Variants in GABRG3 observed in about 807,000 individuals in gnomAD.
GABRG3 encodes the protein gamma-aminobutyric acid receptor subunit gamma-3.
A neutral mutation model predicts 48.8 loss-of-function variants in GABRG3; 25 were observed. That is an observed-to-expected ratio of 0.51 (90% confidence interval 0.37 to 0.72). The LOEUF (loss-of-function observed/expected upper bound fraction) is 0.72. GABRG3 is among the 30% of genes least tolerant of loss of function. The pLI is 0.00. For synonymous variants in GABRG3, 227 were observed against 217.6 expected (o/e 1.04, Z -0.38); for missense variants, 394 against 577.9 (o/e 0.68, Z 3.26).
chr15:27,517,520 A>G (rs974755676), intron 6 of GABRG3, among the ~76,000 whole-genome samples: 1 of 152,234 alleles, frequency 6.6e-6, no homozygotes, highest in Non-Finnish European at 1.5e-5. Flanking sequence ...GGGAGAAAGC[A>G]GGTGGATTTG....
intron 3 of GABRG3, among the ~76,000 whole-genome samples, chr15:27,059,892 A>C (rs926328541): frequency 6.6e-6 from 1 of 152,238 alleles, no homozygotes; most frequent in African/African-American, 2.4e-5. Flanking sequence ...TTGTAGCAAA[A>C]GGTGGCCATT....
rs1019368599 is a variant in GABRG3, at chr15:27,308,323, C to T, written c.271-18486C>T. ...CATCATATAAACATATATAAACATA[C>T]GTTTATATATAAACATAATATAAAC... is the stretch of plus-strand genomic sequence containing the variant. On this transcript the variant is annotated intron_variant, in intron 3 of 9. Transcript: ENST00000615808. 1.6e-4 allele frequency among the ~76,000 whole-genome samples: 22 copies of T among 138,406 alleles called. 1 individual carries two copies. The highest frequency in any genetic ancestry group is 9.3e-4 in the South Asian group (4 of 4,290). The allele number at this position is 138,406 out of a possible 152,430, so 90.8% of individuals were successfully genotyped here.
intron 3 of GABRG3, among the ~76,000 whole-genome samples, chr15:27,324,797 C>T (rs1434429436): frequency 1.3e-5 from 2 of 152,232 alleles, no homozygotes; most frequent in Non-Finnish European, 2.9e-5. Flanking sequence ...CAGGCCAGCA[C>T]CTCTCCCTCT....
chr15:27,374,138 C>CTTTTTTTTTTTTTTT (rs201839822), intron 5 of GABRG3, among the ~76,000 whole-genome samples: 46 of 91,656 alleles, frequency 5.0e-4, no homozygotes, highest in African/African-American at 7.2e-4. Flanking sequence ...TTCTTTTCTT[C>CTTTTTTTTTTTTTTT]TTTTTTTTTT....
Position 27,388,356 on chromosome 15 carries a change from GGAAGGAAGGAAGA to G in GABRG3, c.574+59469_574+59481del, listed in dbSNP as rs1229982583. Among the ~76,000 whole-genome samples, 21 of 35,636 alleles carry G rather than the reference GGAAGGAAGGAAGA, an allele frequency of 5.9e-4. 1 individual carries two copies. Among genetic ancestry groups the G allele is most frequent in the Non-Finnish European group, 1.1e-3 (17 of 15,186 alleles). The allele number at this position is 35,636 out of a possible 152,430, so 23.4% of individuals were successfully genotyped here. A position where few individuals can be genotyped will look rare whatever the true frequency, so the allele number is the denominator to read the frequency against. ...GAAGGAAAGGTGGGAGGGAGGGTAA[GGAAGGAAGGAAGA>G]AAGGAAGGAAGGAAGGAAAGGAGGG... On this transcript the variant is annotated intron_variant, in intron 5 of 9. Transcript: ENST00000615808.
intron 3 of GABRG3, among the ~76,000 whole-genome samples, chr15:27,190,792 T>G (rs1409344842): frequency 6.6e-6 from 1 of 152,138 alleles, no homozygotes; most frequent in African/African-American, 2.4e-5. Flanking sequence ...TTGCTCTTGC[T>G]TTTCTAGTTC....
At chr15:27,120,069 C>T (rs1049721339) in intron 3 of GABRG3, among the ~76,000 whole-genome samples, 2 of 152,196 alleles carry the variant, frequency 1.3e-5, no homozygotes, top group African/African-American at 4.8e-5. Flanking sequence ...CCTTTGAGTT[C>T]GTCGGTGACA....
At chr15:27,324,022 C>T (rs887924017) in intron 3 of GABRG3, among the ~76,000 whole-genome samples, 6 of 152,154 alleles carry the variant, frequency 3.9e-5, no homozygotes, top group African/African-American at 1.4e-4. Flanking sequence ...AAACGGGGAA[C>T]AACAGTTCTA....
At chr15:27,365,732 A>G (rs891270917) in intron 5 of GABRG3, 1 of 152,188 alleles carries the variant, frequency 6.6e-6, no homozygotes, top group African/African-American at 2.4e-5. Context: ...TGTGCAAAAC[A>G]TTCCTGTGAG....
rs111538724 is a variant in GABRG3 at position 27,341,023 on chromosome 15, A to G, written c.574+12135A>G. 2,202 of 505,608 alleles carry G rather than the reference A, an allele frequency of 4.4e-3. 48 individuals carry two copies. The highest frequency in any genetic ancestry group is 0.039 in the African/African-American group (1,986 of 51,560). The allele number at this position is 505,608 out of a possible 1,614,324, so 31.3% of individuals were successfully genotyped here. On this transcript the variant is annotated intron_variant, in intron 5 of 9. Coordinates refer to ENST00000615808, the MANE Select transcript of GABRG3 (RefSeq NM_033223.5). ...AAGATGGCTGGAACACTGTGCTGAG[A>G]AATAAACAGACTTCAGAGGCCTGAA...
At chr15:27,262,240 C>CT (rs1890790896) in intron 3 of GABRG3, among the ~76,000 whole-genome samples, 1 of 152,194 alleles carries the variant, frequency 6.6e-6, no homozygotes, top group Non-Finnish European at 1.5e-5. Flanking sequence ...GCATTTGCGT[C>CT]TGTTTGCTGT....
intron 3 of GABRG3, among the ~76,000 whole-genome samples, chr15:27,240,337 T>C (rs768762027): frequency 6.6e-6 from 1 of 152,184 alleles, no homozygotes; most frequent in Non-Finnish European, 1.5e-5. Context: ...TAGTCCACAG[T>C]GCTGGAGGCT....
At chr15:27,266,926 T>C (rs1422220085) in intron 3 of GABRG3, among the ~76,000 whole-genome samples, 1 of 152,120 alleles carries the variant, frequency 6.6e-6, no homozygotes, top group Non-Finnish European at 1.5e-5. Flanking sequence ...AGTAATTATA[T>C]CATCTATGAA....
chr15:27,418,689 C>T (rs915343650), intron 5 of GABRG3: 1 of 152,196 alleles, frequency 6.6e-6, no homozygotes, highest in African/African-American at 2.4e-5. Context: ...AGTTGGTAAA[C>T]ATATGAATAA....
chr15:27,163,615 C>T (rs1314124861), intron 3 of GABRG3, among the ~76,000 whole-genome samples: 4 of 152,300 alleles, frequency 2.6e-5, no homozygotes, highest in Non-Finnish European at 5.9e-5. Context: ...TGTGCCACTG[C>T]ACTCCAGTGA....
At chr15:27,364,355 C>T (rs576531684) in intron 5 of GABRG3, 1 of 152,646 alleles carries the variant, frequency 6.6e-6, no homozygotes, top group South Asian at 2.1e-4. Flanking sequence ...GGCAGATGCG[C>T]CTCTACATGA....
chr15:27,485,326 C>G (rs1890195713), intron 6 of GABRG3, among the ~76,000 whole-genome samples: 1 of 152,140 alleles, frequency 6.6e-6, no homozygotes, highest in Non-Finnish European at 1.5e-5. Context: ...CAAATGGACT[C>G]TATACTCCAG....
chr15:27,406,733 T>C (rs1009620209), intron 5 of GABRG3, among the ~76,000 whole-genome samples: 2 of 152,138 alleles, frequency 1.3e-5, no homozygotes, highest in Non-Finnish European at 1.5e-5. Flanking sequence ...AAGAGGGTAC[T>C]AGCAAAACTT....
chr15:27,184,069 C>A (rs11853160), intron 3 of GABRG3, among the ~76,000 whole-genome samples: 2 of 152,198 alleles, frequency 1.3e-5, no homozygotes, highest in Admixed American at 1.3e-4. Context: ...GTCATTCTCA[C>A]TGAGGTGGCT....
Sources: gnomAD v4.1 joint callset for allele counts (sites outside exome capture counted in the v4.1 genomes callset) on GRCh38, gnomAD v4.1.1 for gene constraint, MANE v1.5 for transcripts, NCBI Gene and HGNC (gene_info 2026-07-23, HGNC 2026-07-21) for gene names.